SPATA16: variants seen among roughly 807,000 people sequenced by gnomAD.
SPATA16 encodes the protein spermatogenesis-associated protein 16.
Under a neutral mutation model 63.3 loss-of-function variants are expected in SPATA16, and 36 were observed. That is an observed-to-expected ratio of 0.57 (90% CI 0.44 to 0.75). The LOEUF (loss-of-function observed/expected upper bound fraction) is 0.75. SPATA16 is among the 30% of genes least tolerant of loss of function. SPATA16 has a pLI of 0.00. For synonymous variants in SPATA16, 203 were observed against 216.7 expected (o/e 0.94, Z 0.56); for missense variants, 646 against 679.3 (o/e 0.95, Z 0.54).
At chr3:173,091,967 C>T (rs181356429) in intron 2 of SPATA16, among the ~76,000 whole-genome samples, 5 of 152,184 alleles carry the variant, frequency 3.3e-5, no homozygotes, top group African/African-American at 1.2e-4. Flanking sequence ...GGTAGTGTCT[C>T]CCTCCATAAA....
rs1004395272 is a variant in SPATA16 at position 173,014,654 on chromosome 3, T to A, written c.848+4832A>T. ...ATGCTCTGAAGTTATATTAATACTATCTCTTGAAGATTCAAAAAATCTGCA... is the reference window on the plus strand; with the variant it reads ...ATGCTCTGAAGTTATATTAATACTAACTCTTGAAGATTCAAAAAATCTGCA... On this transcript the variant is annotated intron_variant, in intron 4 of 10. Coordinates refer to ENST00000351008, the MANE Select transcript of SPATA16 (RefSeq NM_031955.6). Among the ~76,000 whole-genome samples the A allele has an allele frequency of 5.9e-5, 9 of 152,334 alleles. No homozygotes were observed. The South Asian group carries it at 1.9e-3, about 32-fold the overall frequency.
rs1735914753 is a variant in SPATA16 at position 173,044,558 on chromosome 3, T to A, written c.758+4391A>T. ...TCATAGGTTTGTTGAAATCCTTGTC[T>A]GCCAGTTCTACATCTGGGTCTCGAA... On this transcript the variant is annotated intron_variant, in intron 3 of 10. Transcript: ENST00000351008. Among the ~76,000 whole-genome samples, 3 of 152,194 alleles carry A rather than the reference T, an allele frequency of 2.0e-5. No homozygotes were observed. In the South Asian group the frequency reaches 6.2e-4, roughly 31 times the overall value.
chr3:173,074,965 T>C (rs1577161501), intron 2 of SPATA16, among the ~76,000 whole-genome samples: 1 of 122,576 alleles, frequency 8.2e-6, no homozygotes, highest in African/African-American at 3.3e-5. Flanking sequence ...ACCATGCCAC[T>C]CCAGGTGACA....
chr3:173,122,796 T>C (rs1437050545), intron 1 of SPATA16, among the ~76,000 whole-genome samples: 1 of 152,214 alleles, frequency 6.6e-6, no homozygotes, highest in African/African-American at 2.4e-5. Context: ...GATGTTGTTT[T>C]ACTAGACCGT....
At position 173,019,585 on chromosome 3, in the gene SPATA16, G is replaced by T. The variant is rs201153096; in HGVS notation, c.759-10C>A. 2.5e-6 allele frequency: 4 copies of T among 1,612,616 alleles called. No homozygotes were observed. The East Asian group carries it at 8.9e-5, about 36-fold the overall frequency. Reference sequence around the variant, plus strand: ...GTTTAAAACAATGCTCCTGTAAAAAGGTAAAAGAAATGCAAATGTTATTTG... The same window carrying T: ...GTTTAAAACAATGCTCCTGTAAAAATGTAAAAGAAATGCAAATGTTATTTG... On this transcript the variant is annotated splice_polypyrimidine_tract_variant and intron_variant, in intron 3 of 10. Transcript: ENST00000351008.
At chr3:173,093,074 C>T (rs112313556) in intron 2 of SPATA16, among the ~76,000 whole-genome samples, 18,022 of 145,856 alleles carry the variant, frequency 0.12, 1,256 homozygotes, top group South Asian at 0.23. Flanking sequence ...CACACACACA[C>T]ACATATATAT....
At chr3:173,069,082 C>A (rs1173396694) in intron 2 of SPATA16, among the ~76,000 whole-genome samples, 1 of 144,460 alleles carries the variant, frequency 6.9e-6, no homozygotes, top group Non-Finnish European at 1.5e-5. Flanking sequence ...TGCACTCCAG[C>A]CTGGGCAGCA....
At chr3:173,029,419 TTG>T (rs1295275270) in intron 3 of SPATA16, among the ~76,000 whole-genome samples, 5 of 151,256 alleles carry the variant, frequency 3.3e-5, no homozygotes, top group African/African-American at 1.2e-4. Context: ...TTTTTTTTGT[TTG>T]TTTGTTTTGT....
chr3:173,061,299 C>G (rs1736372654), intron 2 of SPATA16, among the ~76,000 whole-genome samples: 1 of 152,182 alleles, frequency 6.6e-6, no homozygotes, highest in Non-Finnish European at 1.5e-5. Flanking sequence ...CAGAAGAGAA[C>G]AGATACTGTT....
At chr3:172,983,996 C>A (rs1249389787) in intron 4 of SPATA16, among the ~76,000 whole-genome samples, 1 of 145,702 alleles carries the variant, frequency 6.9e-6, no homozygotes, top group African/African-American at 2.5e-5. Context: ...AGAACCTTGT[C>A]CTTTTTCTAA....
chr3:172,989,883 A>G (rs1734537559), intron 4 of SPATA16, among the ~76,000 whole-genome samples: 2 of 152,212 alleles, frequency 1.3e-5, no homozygotes, highest in African/African-American at 4.8e-5. Flanking sequence ...TGCAAAACTT[A>G]TAGAAGCTTA....
chr3:173,003,928 G>A (rs1179618962), intron 4 of SPATA16, among the ~76,000 whole-genome samples: 1 of 152,072 alleles, frequency 6.6e-6, no homozygotes, highest in African/African-American at 2.4e-5. Context: ...TCTCCATTAT[G>A]GTTGAGGAAA....
chr3:173,119,185 T>G (rs1336042158), intron 1 of SPATA16, among the ~76,000 whole-genome samples: 1 of 151,860 alleles, frequency 6.6e-6, no homozygotes, highest in East Asian at 1.9e-4. Context: ...AGGGAGAGCA[T>G]TAGGACAAAT....
intron 2 of SPATA16, among the ~76,000 whole-genome samples, chr3:173,064,461 T>G (rs1248768064): frequency 1.3e-5 from 2 of 152,142 alleles, no homozygotes; most frequent in Non-Finnish European, 1.5e-5. Flanking sequence ...ACAAACTCCC[T>G]GTACATTATT....
chr3:173,022,314 T>C (rs1735352669), intron 3 of SPATA16, among the ~76,000 whole-genome samples: 2 of 152,286 alleles, frequency 1.3e-5, no homozygotes, highest in South Asian at 4.1e-4. Context: ...CACTCTGCCC[T>C]AAACCATATG....
intron 6 of SPATA16, among the ~76,000 whole-genome samples, chr3:172,950,713 A>G (rs1733409932): frequency 6.6e-6 from 1 of 152,192 alleles, no homozygotes; most frequent in African/African-American, 2.4e-5. Context: ...AATTTCAATG[A>G]AAAGTAATTT....
intron 2 of SPATA16, among the ~76,000 whole-genome samples, chr3:173,064,243 G>A (rs1439429858): frequency 1.4e-5 from 2 of 146,912 alleles, no homozygotes; most frequent in African/African-American, 5.1e-5. Flanking sequence ...GGGAGGCAGA[G>A]GTTGCAGTGA....
At chr3:172,924,440 A>T (rs1177616896) in intron 7 of SPATA16, 123 bp from the exon 8 acceptor site, 3 of 736,758 alleles carry the variant, frequency 4.1e-6, no homozygotes, top group Non-Finnish European at 2.3e-6. Flanking sequence ...TAGTATAGAA[A>T]CTAGTCCCAT....
intron 2 of SPATA16, among the ~76,000 whole-genome samples, chr3:173,100,660 GCACACACACACACACACACA>G (rs3980195): frequency 7.2e-4 from 96 of 134,170 alleles, no homozygotes; most frequent in African/African-American, 2.2e-3. Context: ...CACATAAACA[GCACACACACACACACACACA>G]CACACACACA....
Sources: gnomAD v4.1 joint callset for allele counts (sites outside exome capture counted in the v4.1 genomes callset) on GRCh38, gnomAD v4.1.1 for gene constraint, MANE v1.5 for transcripts, NCBI Gene and HGNC (gene_info 2026-07-23, HGNC 2026-07-21) for gene names.